The following ZC3H12B variants were observed in gnomAD, a reference collection of about 807,000 sequenced individuals.
ZC3H12B encodes probable ribonuclease ZC3H12B.
In ZC3H12B, 7 loss-of-function variants were observed where a neutral mutation model predicts 43.9. That is an observed-to-expected ratio of 0.16 (90% CI 0.09 to 0.30). The LOEUF is 0.30. Among genes scored for constraint, ZC3H12B ranks in the 10% least tolerant of loss-of-function variants. The pLI is 1.00. For missense variants in ZC3H12B, 475 were observed against 670.2 expected, an observed-to-expected ratio of 0.71 and a Z score of 3.22; for synonymous variants, 222 against 241.7, an observed-to-expected ratio of 0.92 and a Z score of 0.76.
the ZC3H12B span, among the ~76,000 whole-genome samples, chrX:65,148,192 A>T: frequency 3.6e-5 from 4 of 110,778 alleles, no homozygotes; most frequent in Non-Finnish European, 7.6e-5. Flanking sequence ...TGCCAATCTG[A>T]TGCTAAGGTG....
intron 3 of ZC3H12B, among the ~76,000 whole-genome samples, chrX:65,416,380 A>G (rs1270367020): frequency 2.7e-5 from 3 of 111,513 alleles, no homozygotes; most frequent in Non-Finnish European, 3.8e-5. Flanking sequence ...GTTACTATAG[A>G]CATGGAAACC....
At chrX:65,061,335 G>A in the ZC3H12B span, among the ~76,000 whole-genome samples, 1 of 106,043 alleles carries the variant, frequency 9.4e-6, no homozygotes, top group East Asian at 2.8e-4. Context: ...TCCCCCAACA[G>A]GCCCCAGTGT....
intron 3 of ZC3H12B, chrX:65,408,232 G>A (rs939884239): frequency 8.4e-7 from 1 of 1,185,112 alleles, no homozygotes; most frequent in Non-Finnish European, 1.1e-6. Flanking sequence ...GTGAGTAACC[G>A]GCAAGTGAAA....
At chrX:65,240,771 A>G in the ZC3H12B span, among the ~76,000 whole-genome samples, 4 of 112,111 alleles carry the variant, frequency 3.6e-5, no homozygotes, top group Non-Finnish European at 7.5e-5. Context: ...TTTGTTAATA[A>G]TATTTTTGTT....
the ZC3H12B span, among the ~76,000 whole-genome samples, chrX:65,126,225 T>A: frequency 9.0e-6 from 1 of 111,019 alleles, no homozygotes; most frequent in Non-Finnish European, 1.9e-5. Context: ...GAAAATACGG[T>A]ATCTTTCCTT....
At chrX:65,161,799 G>T in the ZC3H12B span, among the ~76,000 whole-genome samples, 3 of 111,587 alleles carry the variant, frequency 2.7e-5, no homozygotes, top group Non-Finnish European at 5.6e-5. Flanking sequence ...ACTTGATCTT[G>T]TCATTATGGT....
chrX:65,301,315 G>A, the ZC3H12B span, among the ~76,000 whole-genome samples: 1 of 111,535 alleles, frequency 9.0e-6, no homozygotes, highest in African/African-American at 3.3e-5. Flanking sequence ...ATTTCATACA[G>A]CAATCCCACT....
At chrX:65,411,555 G>T (rs769196338) in intron 3 of ZC3H12B, among the ~76,000 whole-genome samples, 11 of 109,504 alleles carry the variant, frequency 1.0e-4, no homozygotes, top group Non-Finnish European at 1.3e-4. Context: ...GTGAAAACCC[G>T]TCTCTACTAA....
At chrX:65,165,446 A>T in the ZC3H12B span, among the ~76,000 whole-genome samples, 1 of 111,687 alleles carries the variant, frequency 9.0e-6, no homozygotes, top group African/African-American at 3.3e-5. Flanking sequence ...ACACTGCCGA[A>T]AGGCCCCGGT....
chrX:65,175,921 A>ATT, the ZC3H12B span, among the ~76,000 whole-genome samples: 1 of 112,191 alleles, frequency 8.9e-6, no homozygotes, highest in African/African-American at 3.2e-5. Flanking sequence ...ACAGGTGCCT[A>ATT]CACCACTGGG....
At chrX:65,196,138 G>A in the ZC3H12B span, among the ~76,000 whole-genome samples, 5 of 71,096 alleles carry the variant, frequency 7.0e-5, no homozygotes, top group African/African-American at 1.1e-4. Context: ...ACCCCCCGCA[G>A]CTAGTGCCCC....
At chrX:65,354,216 G>A in the ZC3H12B span, among the ~76,000 whole-genome samples, 12 of 111,795 alleles carry the variant, frequency 1.1e-4, no homozygotes, top group Non-Finnish European at 2.1e-4. Context: ...GTACAGGAGA[G>A]CTGGCATCTG....
chrX:65,212,229 T>A, the ZC3H12B span, among the ~76,000 whole-genome samples: 8 of 1,552 alleles, frequency 5.2e-3, no homozygotes, highest in Non-Finnish European at 8.2e-3. Context: ...TATATTATAT[T>A]ATATAGTATA....
chrX:65,469,352 C>A, intron 3 of ZC3H12B: 1 of 393,355 alleles, frequency 2.5e-6, no homozygotes, highest in South Asian at 4.2e-5. Flanking sequence ...ACCTGCTGGT[C>A]AATGCCAAAG....
chrX:65,373,137 T>A (rs925994711), intron 2 of ZC3H12B, among the ~76,000 whole-genome samples: 2 of 112,354 alleles, frequency 1.8e-5, no homozygotes, highest in African/African-American at 3.2e-5. Context: ...ACAGTACGAT[T>A]GTAAGGATTG....
At chrX:65,286,742 A>G in the ZC3H12B span, among the ~76,000 whole-genome samples, 2 of 110,291 alleles carry the variant, frequency 1.8e-5, no homozygotes, top group East Asian at 2.8e-4. Flanking sequence ...TGTATAAAAT[A>G]TATTTATTTT....
the ZC3H12B span, among the ~76,000 whole-genome samples, chrX:65,086,045 T>C: frequency 1.0e-5 from 1 of 100,134 alleles, no homozygotes; most frequent in African/African-American, 4.4e-5. Context: ...GCTAATAATG[T>C]CTTTTTTTTT....
intron 2 of ZC3H12B, among the ~76,000 whole-genome samples, chrX:65,386,366 T>G (rs1218938017): frequency 1.8e-5 from 2 of 111,840 alleles, no homozygotes. Context: ...CTTCCTGGTT[T>G]AGTCTTGGCA....
chrX:65,274,055 G>A, the ZC3H12B span, among the ~76,000 whole-genome samples: 21 of 112,026 alleles, frequency 1.9e-4, no homozygotes, highest in Admixed American at 1.8e-3. Context: ...GGGCAGAATG[G>A]CATCACCCAG....
Sources: gnomAD v4.1 joint callset for allele counts (sites outside exome capture counted in the v4.1 genomes callset) on GRCh38, gnomAD v4.1.1 for gene constraint, MANE v1.5 for transcripts, NCBI Gene and HGNC (gene_info 2026-07-23, HGNC 2026-07-21) for gene names.